The following KAZN variants were observed in gnomAD, a reference collection of about 807,000 sequenced individuals.
The protein encoded by KAZN is kazrin, periplakin interacting protein.
A neutral mutation model predicts 87.4 loss-of-function variants in KAZN; 40 were observed. That is an observed-to-expected ratio of 0.46 (90% confidence interval 0.36 to 0.60). The LOEUF (loss-of-function observed/expected upper bound fraction) is 0.60. Ranked by LOEUF, KAZN falls within the 20% of genes least tolerant of loss-of-function variation. The pLI is 0.00. For synonymous variants in KAZN, 466 were observed against 458.3 expected, an observed-to-expected ratio of 1.02 and a Z score of -0.22; for missense variants, 898 against 1,073.9, an observed-to-expected ratio of 0.84 and a Z score of 2.29.
rs1420579801 is a variant in KAZN, at chr1:15,094,665, A to G, written c.1429-150A>G. On this transcript the variant is annotated intron_variant, in intron 9 of 14. Coordinates refer to ENST00000376030, the MANE Select transcript of KAZN (RefSeq NM_201628.3). The surrounding 1 kb of genome is among the most constrained non-coding windows in gnomAD (Gnocchi z 4.5). ...GAACAGGGATTCCGCCCCACATCAG[A>G]GTTGCAGAGGTTTCCATGTGCCCTG... 3.1e-6 allele frequency: 2 copies of G among 649,802 alleles called. No homozygotes were observed. Among genetic ancestry groups the G allele is most frequent in the African/African-American group, 3.6e-5 (2 of 54,832 alleles). The allele number at this position is 649,802 out of a possible 1,614,324, so 40.3% of individuals were successfully genotyped here. A position where few individuals can be genotyped will look rare whatever the true frequency, so the allele number is the denominator to read the frequency against.
At chr1:14,602,907 G>A (rs1677088956) in intron 1 of KAZN, among the ~76,000 whole-genome samples, 1 of 152,198 alleles carries the variant, frequency 6.6e-6, no homozygotes, top group Admixed American at 6.5e-5. Flanking sequence ...AGGACTTCCT[G>A]CCTACTGCAT....
chr1:14,264,959 T>G (rs1651359060), intron 2 of KAZN, among the ~76,000 whole-genome samples: 1 of 152,230 alleles, frequency 6.6e-6, no homozygotes, highest in South Asian at 2.1e-4. Flanking sequence ...CATGGACATC[T>G]CTGGGGAAGG....
At chr1:14,418,731 A>G (rs1385191518) in intron 2 of KAZN, among the ~76,000 whole-genome samples, 1 of 152,194 alleles carries the variant, frequency 6.6e-6, no homozygotes, top group African/African-American at 2.4e-5. Context: ...TCTCTCAAGT[A>G]GGGCAGGCCA....
At chr1:14,111,894 C>G (rs1644507065) in intron 1 of KAZN, among the ~76,000 whole-genome samples, 1 of 152,066 alleles carries the variant, frequency 6.6e-6, no homozygotes, top group East Asian at 1.9e-4. Context: ...TGCGCACCAC[C>G]ACGCCCGGCT....
chr1:14,726,302 A>G (rs1373314094), intron 1 of KAZN, among the ~76,000 whole-genome samples: 1 of 152,232 alleles, frequency 6.6e-6, no homozygotes, highest in Non-Finnish European at 1.5e-5. Flanking sequence ...AACCAGGAGA[A>G]TCAGAGCACA....
At chr1:14,260,702 C>T (rs1017050713) in intron 2 of KAZN, among the ~76,000 whole-genome samples, 2 of 152,228 alleles carry the variant, frequency 1.3e-5, no homozygotes, top group African/African-American at 4.8e-5. Flanking sequence ...CACATTCCCA[C>T]ATCAAATTCT....
chr1:13,941,211 A>AACAAC lies in KAZN; in HGVS notation c.91+47456_91+47457insCAACA, dbSNP rs1557734900. On this transcript the variant is annotated intron_variant, in intron 1 of 16. Transcript: ENST00000636203. ...TCTAAAACAACAACAACAACAACAA[A>AACAAC]AAAAAAACAATAAAAAGGAGTAGGG... is the stretch of plus-strand genomic sequence containing the variant. 1.3e-4 allele frequency among the ~76,000 whole-genome samples: 20 copies of AACAAC among 150,806 alleles called. No individual in the cohort carries two copies. In the South Asian group the frequency reaches 4.0e-3, roughly 30 times the overall value.
At chr1:14,810,803 G>T (rs956747580) in intron 1 of KAZN, among the ~76,000 whole-genome samples, 8 of 152,272 alleles carry the variant, frequency 5.3e-5, no homozygotes, top group Non-Finnish European at 1.2e-4. Context: ...CAAGAAAGCC[G>T]AGTCATGAGA....
chr1:14,921,036 G>A (rs1459209826), intron 1 of KAZN, among the ~76,000 whole-genome samples: 1 of 152,158 alleles, frequency 6.6e-6, no homozygotes, highest in Admixed American at 6.5e-5. Context: ...GCAGAGTTGA[G>A]AGCAGGGAGA....
At chr1:14,012,395 C>T (rs1640355895) in intron 1 of KAZN, among the ~76,000 whole-genome samples, 1 of 152,190 alleles carries the variant, frequency 6.6e-6, no homozygotes, top group African/African-American at 2.4e-5. Flanking sequence ...ATAGAAAAAT[C>T]AGTGTCAACA....
intron 2 of KAZN, among the ~76,000 whole-genome samples, chr1:14,394,525 A>T (rs1400892911): frequency 6.6e-6 from 1 of 152,070 alleles, no homozygotes; most frequent in Non-Finnish European, 1.5e-5. Flanking sequence ...TATAATCTAA[A>T]GCCTTACACA....
intron 2 of KAZN, among the ~76,000 whole-genome samples, chr1:14,482,763 G>A (rs1275770443): frequency 1.3e-5 from 2 of 152,102 alleles, no homozygotes; most frequent in Non-Finnish European, 2.9e-5. Flanking sequence ...CAAGCCTGCT[G>A]AGGGTGCGGG....
At chr1:14,493,082 G>A (rs995196508) in intron 2 of KAZN, among the ~76,000 whole-genome samples, 4 of 152,006 alleles carry the variant, frequency 2.6e-5, no homozygotes, top group Non-Finnish European at 5.9e-5. Context: ...CTTCATCCAC[G>A]CAGCCTTTCT....
At chr1:13,925,913 G>A (rs1640256144) in intron 1 of KAZN, among the ~76,000 whole-genome samples, 1 of 152,120 alleles carries the variant, frequency 6.6e-6, no homozygotes, top group Admixed American at 6.5e-5. Flanking sequence ...GTTGGGGAGT[G>A]AGGGCAGAAG....
At chr1:14,370,645 G>T (rs889777811) in intron 2 of KAZN, among the ~76,000 whole-genome samples, 3 of 152,184 alleles carry the variant, frequency 2.0e-5, no homozygotes, top group African/African-American at 7.2e-5. Context: ...GACTGCCAGG[G>T]ATCTCTGAGG....
At position 14,348,742 on chromosome 1, in the gene KAZN, C is replaced by T. The variant is rs117409960; in HGVS notation, c.249+168150C>T. Among the ~76,000 whole-genome samples, 951 of 152,268 alleles carry T rather than the reference C, an allele frequency of 6.2e-3. 34 individuals carry two copies. The East Asian group carries it at 0.11, about 18-fold the overall frequency. ...AGATTTCCTTTCTGAACAACCAAAG[C>T]CATGAGAATCAGGATGGATGGTCTT... is the stretch of plus-strand genomic sequence containing the variant. On this transcript the variant is annotated intron_variant, in intron 2 of 16. Coordinates refer to the KAZN transcript ENST00000636203.
chr1:14,329,995 G>A (rs1337534274), intron 2 of KAZN, among the ~76,000 whole-genome samples: 1 of 152,186 alleles, frequency 6.6e-6, no homozygotes, highest in African/African-American at 2.4e-5. Context: ...ATGCATTAAT[G>A]AGGATAGGGT....
chr1:14,035,237 G>A (rs941329853), intron 1 of KAZN, among the ~76,000 whole-genome samples: 2 of 152,200 alleles, frequency 1.3e-5, no homozygotes, highest in Non-Finnish European at 2.9e-5. Context: ...GTGGAATTGC[G>A]TTGTGATTGA....
rs77998358 is a variant in KAZN, at chr1:14,278,926, CTTTTTTT to C, written c.249+98351_249+98357del. Among the ~76,000 whole-genome samples, 235 of 97,722 alleles carry C rather than the reference CTTTTTTT, an allele frequency of 2.4e-3. 1 individual carries two copies. The highest frequency in any genetic ancestry group is 0.017 in the South Asian group (46 of 2,742). 64.1% of individuals were successfully genotyped at this position (97,722 alleles called of 152,430 possible). On this transcript the variant is annotated intron_variant, in intron 2 of 16. Transcript: ENST00000636203. Reference sequence around the variant, plus strand: ...GACCAAGAAGCTTCATCAAATTCAGCTTTTTTTTTTTTTTTTTTTTTTTGGCAGGCAA... The same window carrying C: ...GACCAAGAAGCTTCATCAAATTCAGCTTTTTTTTTTTTTTTTGGCAGGCAA...
Sources: gnomAD v4.1 joint callset for allele counts (sites outside exome capture counted in the v4.1 genomes callset) on GRCh38, gnomAD v4.1.1 for gene constraint, Gnocchi (gnomAD v3.1) non-coding constraint, MANE v1.5 for transcripts, NCBI Gene and HGNC (gene_info 2026-07-23, HGNC 2026-07-21) for gene names.